ABCA13: variants seen among roughly 807,000 people sequenced by gnomAD.
The protein encoded by ABCA13 is ATP binding cassette subfamily A member 13, also known as ATP-binding cassette sub-family A member 13.
In ABCA13, 476 loss-of-function variants were observed where a neutral mutation model predicts 478.7. That is an observed-to-expected ratio of 0.99 (90% confidence interval 0.92 to 1.07). The LOEUF (loss-of-function observed/expected upper bound fraction) is 1.07, where lower values mean the gene tolerates loss of function less well. Among genes scored for constraint, ABCA13 ranks in the 50% least tolerant of loss-of-function variants. ABCA13 has a pLI of 0.00. For missense variants in ABCA13, 6,060 were observed against 5,910.6 expected (o/e 1.03, Z -0.83); for synonymous variants, 2,252 against 2,158.9 (o/e 1.04, Z -1.20).
intron 55 of ABCA13, among the ~76,000 whole-genome samples, chr7:48,563,300 T>C (rs1786660611): frequency 6.6e-6 from 1 of 152,128 alleles, no homozygotes; most frequent in Admixed American, 6.6e-5. Context: ...TAATAATTGG[T>C]CATTGTTTGC....
chr7:48,244,333 A>T (rs1791342511), intron 10 of ABCA13, among the ~76,000 whole-genome samples: 1 of 152,244 alleles, frequency 6.6e-6, no homozygotes, highest in African/African-American at 2.4e-5. Flanking sequence ...ACCTAGGAAT[A>T]TACTTTCCCA....
chr7:48,576,513 G>C (rs1354723148), intron 55 of ABCA13, among the ~76,000 whole-genome samples: 1 of 152,014 alleles, frequency 6.6e-6, no homozygotes, highest in Non-Finnish European at 1.5e-5. Context: ...CAGCCCAAAG[G>C]GGAAACTGCT....
intron 46 of ABCA13, among the ~76,000 whole-genome samples, chr7:48,482,115 T>TA (rs2130557528): frequency 6.6e-6 from 1 of 151,998 alleles, no homozygotes; most frequent in East Asian, 1.9e-4. Flanking sequence ...ATGGAGATAT[T>TA]AAAAAAAGAT....
At chr7:48,569,733 C>A (rs936792969) in intron 55 of ABCA13, among the ~76,000 whole-genome samples, 1 of 152,118 alleles carries the variant, frequency 6.6e-6, no homozygotes, top group African/African-American at 2.4e-5. Context: ...TCATATCGGG[C>A]AGGCTGGTCT....
chr7:48,388,251 A>G (rs910121310), intron 36 of ABCA13, among the ~76,000 whole-genome samples: 3 of 152,220 alleles, frequency 2.0e-5, no homozygotes, highest in Non-Finnish European at 2.9e-5. Context: ...ACAATTTAGA[A>G]AAATTGAAGC....
chr7:48,505,884 A>C (rs1585630809), intron 48 of ABCA13, among the ~76,000 whole-genome samples: 1 of 152,318 alleles, frequency 6.6e-6, no homozygotes, highest in East Asian at 1.9e-4. Flanking sequence ...CAACTCCAAA[A>C]CCAAAATTGG....
chr7:48,190,233 C>T (rs1796914383), intron 1 of ABCA13, among the ~76,000 whole-genome samples: 1 of 152,066 alleles, frequency 6.6e-6, no homozygotes, highest in Non-Finnish European at 1.5e-5. Flanking sequence ...GGCAATGGTA[C>T]CTCACGGATC....
At chr7:48,623,002 C>T (rs1318457098) in intron 59 of ABCA13, among the ~76,000 whole-genome samples, 2 of 152,140 alleles carry the variant, frequency 1.3e-5, no homozygotes, top group African/African-American at 4.8e-5. Context: ...AGTGAGCCTC[C>T]TACCTGTGGT....
intron 55 of ABCA13, among the ~76,000 whole-genome samples, chr7:48,562,818 C>T (rs547273122): frequency 6.6e-5 from 10 of 152,052 alleles, no homozygotes; most frequent in South Asian, 4.1e-4. Flanking sequence ...CCTGTGAATA[C>T]GGTAGATGGT....
At chr7:48,590,020 A>T (rs1202726020) in intron 57 of ABCA13, among the ~76,000 whole-genome samples, 1 of 152,188 alleles carries the variant, frequency 6.6e-6, no homozygotes. Flanking sequence ...CCTGTATATT[A>T]GGTCTCCAGA....
chr7:48,525,331 C>G (rs1832815635), intron 54 of ABCA13, among the ~76,000 whole-genome samples: 1 of 151,742 alleles, frequency 6.6e-6, no homozygotes, highest in African/African-American at 2.4e-5. Context: ...TTTTTTGTAC[C>G]CTTGCTTTAA....
At chr7:48,410,443 C>T in intron 39 of ABCA13, 77 bp from the exon 40 acceptor site, 1 of 1,552,524 alleles carries the variant, frequency 6.4e-7, no homozygotes, top group East Asian at 2.3e-5. Flanking sequence ...CTGGATCTAC[C>T]ATCCTGAGGA....
rs189092965 is a variant in ABCA13 at position 48,449,679 on chromosome 7, T to C, written c.12566-5358T>C. ...ACCTGTAGCACTGTTAAGGTTTCCA[T>C]GCAGCTCACCTGATTCTATTTCCCT... is the stretch of plus-strand genomic sequence containing the variant. On this transcript the variant is annotated intron_variant, in intron 42 of 61. Transcript: ENST00000435803. 1.8e-4 allele frequency among the ~76,000 whole-genome samples: 27 copies of C among 152,374 alleles called. No homozygotes were observed. The East Asian group carries it at 4.8e-3, about 27-fold the overall frequency.
rs188911260 is a variant in ABCA13 at position 48,375,303 on chromosome 7, A to C, written c.11203+887A>C. Among the ~76,000 whole-genome samples, 10 of 152,252 alleles carry C rather than the reference A, an allele frequency of 6.6e-5. No individual in the cohort carries two copies. The East Asian group carries it at 1.9e-3, about 29-fold the overall frequency. On this transcript the variant is annotated intron_variant, in intron 34 of 61. Transcript: ENST00000435803. ...TGTGTTAGATGATTGTTGACCTGGG[A>C]TCTGTCTTCCTGGATCCTCTACCCA...
intron 58 of ABCA13, among the ~76,000 whole-genome samples, chr7:48,598,354 C>G (rs1178925701): frequency 6.6e-6 from 1 of 152,138 alleles, no homozygotes; most frequent in Non-Finnish European, 1.5e-5. Flanking sequence ...TTGGTTGCTT[C>G]CAAGTTTTGA....
chr7:48,419,293 A>C (rs17548949), intron 41 of ABCA13, among the ~76,000 whole-genome samples: 57,992 of 152,100 alleles, frequency 0.38, 11,715 homozygotes, highest in African/African-American at 0.51. Context: ...TCTGTTTAGT[A>C]GTCACCTTTC....
chr7:48,300,501 T>C (rs998596747), intron 23 of ABCA13, among the ~76,000 whole-genome samples: 1 of 152,110 alleles, frequency 6.6e-6, no homozygotes, highest in African/African-American at 2.4e-5. Context: ...TGAGGACAGG[T>C]GGTCCCTGGA....
At chr7:48,579,107 A>C (rs1788461889) in intron 55 of ABCA13, among the ~76,000 whole-genome samples, 1 of 152,252 alleles carries the variant, frequency 6.6e-6, no homozygotes. Flanking sequence ...TATCAAAAGC[A>C]TGATCCATAA....
rs1412480585 is a variant in ABCA13, at chr7:48,338,467, G to C, written c.10204+12G>C. On this transcript the variant is annotated intron_variant, in intron 29 of 61. Transcript: ENST00000435803. Reference sequence around the variant, plus strand: ...ACTCCAGACATACGGTAAGTGTGCTGATGGGCATGGTAGTGTTCTTCTGCC... The same window carrying C: ...ACTCCAGACATACGGTAAGTGTGCTCATGGGCATGGTAGTGTTCTTCTGCC... 2 of 1,574,040 alleles carry C rather than the reference G, an allele frequency of 1.3e-6. No individual in the cohort carries two copies. Among genetic ancestry groups the C allele is most frequent in the South Asian group, 2.3e-5 (2 of 85,120 alleles).
Sources: gnomAD v4.1 joint callset for allele counts (sites outside exome capture counted in the v4.1 genomes callset) on GRCh38, gnomAD v4.1.1 for gene constraint, MANE v1.5 for transcripts, NCBI Gene and HGNC (gene_info 2026-07-23, HGNC 2026-07-21) for gene names.